Variants in NRG1 observed in about 807,000 individuals in gnomAD.
NRG1 encodes the protein pro-neuregulin-1, membrane-bound isoform.
NRG1 carries 18 observed loss-of-function variants against 63.8 expected under a neutral mutation model. That is an observed-to-expected ratio of 0.28 (90% CI 0.19 to 0.42). The LOEUF (loss-of-function observed/expected upper bound fraction) is 0.42, where lower values mean the gene tolerates loss of function less well. Among genes scored for constraint, NRG1 ranks in the 10% least tolerant of loss-of-function variants. NRG1 has a pLI of 1.00. For missense variants in NRG1, 762 were observed against 814.7 expected (o/e 0.94, Z 0.79); for synonymous variants, 302 against 301.3 (o/e 1.00, Z -0.02).
chr8:32,043,820 A>G (rs1208562825), intron 1 of NRG1, among the ~76,000 whole-genome samples: 2 of 151,920 alleles, frequency 1.3e-5, no homozygotes, highest in Admixed American at 6.6e-5. Context: ...AAAAAACCTG[A>G]TATACTTCGG....
chr8:32,204,755 T>A (rs1843852291), intron 1 of NRG1, among the ~76,000 whole-genome samples: 1 of 152,246 alleles, frequency 6.6e-6, no homozygotes, highest in Non-Finnish European at 1.5e-5. Flanking sequence ...TTGATCATCT[T>A]GATGATAGTT....
At chr8:31,979,590 C>T (rs1369216223) in intron 1 of NRG1, among the ~76,000 whole-genome samples, 1 of 151,948 alleles carries the variant, frequency 6.6e-6, no homozygotes, top group African/African-American at 2.4e-5. Flanking sequence ...TCTTTGATAT[C>T]ATTTACTGTG....
rs532541763 is a variant in NRG1, at chr8:32,285,489, G to A, written c.38-310339G>A. ...ATCCAAGGGACTTGACCAAGTTTTT[G>A]CAGCTATTGCTGGTAGACCAAGTAC... On this transcript the variant is annotated intron_variant, in intron 1 of 10. Transcript: ENST00000519301. 2.0e-5 allele frequency among the ~76,000 whole-genome samples: 3 copies of A among 152,336 alleles called. No homozygotes were observed. The East Asian group carries it at 5.8e-4, about 29-fold the overall frequency.
intron 1 of NRG1, among the ~76,000 whole-genome samples, chr8:31,647,637 G>C (rs190687288): frequency 7.9e-5 from 12 of 152,176 alleles, no homozygotes; most frequent in Non-Finnish European, 1.8e-4. Flanking sequence ...CCAGGATGGA[G>C]AGGTTCTGCT....
intron 1 of NRG1, among the ~76,000 whole-genome samples, chr8:31,988,930 G>A (rs966409072): frequency 1.3e-5 from 2 of 151,752 alleles, no homozygotes; most frequent in African/African-American, 4.8e-5. Flanking sequence ...TTTTGTTGAC[G>A]ATGACTTTCT....
At chr8:31,910,329 G>A (rs978861721) in intron 1 of NRG1, among the ~76,000 whole-genome samples, 5 of 152,248 alleles carry the variant, frequency 3.3e-5, no homozygotes, top group Admixed American at 6.5e-5. Flanking sequence ...AGACAGAGGC[G>A]GGATCTAGAA....
intron 1 of NRG1, among the ~76,000 whole-genome samples, chr8:31,731,417 T>TACACACACACACACACAC (rs139927733): frequency 8.0e-4 from 119 of 148,408 alleles, no homozygotes; most frequent in African/African-American, 2.8e-3. Context: ...AATTATGTCA[T>TACACACACACACACACAC]ACACACACAC....
chr8:32,041,778 G>A (rs1337496974), intron 1 of NRG1, among the ~76,000 whole-genome samples: 1 of 152,132 alleles, frequency 6.6e-6, no homozygotes, highest in Non-Finnish European at 1.5e-5. Context: ...ATAAAGAATT[G>A]GAAAGAGGAT....
chr8:32,537,301 C>T (rs1832105944), intron 1 of NRG1, among the ~76,000 whole-genome samples: 1 of 151,572 alleles, frequency 6.6e-6, no homozygotes, highest in Admixed American at 6.6e-5. Context: ...TTCTGCTGCC[C>T]CCCAACTGAG....
chr8:31,843,193 G>A (rs542094445), intron 1 of NRG1, among the ~76,000 whole-genome samples: 9 of 152,054 alleles, frequency 5.9e-5, no homozygotes, highest in East Asian at 1.9e-4. Context: ...TTTCATATAC[G>A]AGAACAATGT....
intron 1 of NRG1, among the ~76,000 whole-genome samples, chr8:32,136,251 G>A (rs933184007): frequency 2.0e-5 from 3 of 152,154 alleles, no homozygotes; most frequent in Non-Finnish European, 2.9e-5. Context: ...GATTCCTTAA[G>A]CGCATGGTTC....
intron 1 of NRG1, among the ~76,000 whole-genome samples, chr8:32,229,183 C>T (rs16879014): frequency 0.046 from 6,980 of 152,224 alleles, 283 homozygotes; most frequent in African/African-American, 0.11. Context: ...GAGAATTGGA[C>T]GGCTACTAGC....
At chr8:31,731,951 A>C (rs1331069890) in intron 1 of NRG1, among the ~76,000 whole-genome samples, 2 of 152,218 alleles carry the variant, frequency 1.3e-5, no homozygotes, top group African/African-American at 4.8e-5. Flanking sequence ...GTGAAGAGTC[A>C]GTAAGATGTA....
At chr8:32,724,715 G>A (rs1373305223) in intron 5 of NRG1, among the ~76,000 whole-genome samples, 2 of 152,060 alleles carry the variant, frequency 1.3e-5, no homozygotes, top group Non-Finnish European at 2.9e-5. Context: ...GTAACACTTC[G>A]CATCACCTGG....
exon 1 of NRG1, chr8:32,548,481 C>T: frequency 8.4e-7 from 1 of 1,194,956 alleles, no homozygotes; most frequent in Middle Eastern, 3.3e-4. Flanking sequence ...CGACGACTTC[C>T]CGGGGCGACA....
At chr8:32,709,656 A>G (rs1196707008) in intron 5 of NRG1, among the ~76,000 whole-genome samples, 1 of 152,034 alleles carries the variant, frequency 6.6e-6, no homozygotes. Flanking sequence ...CCTAGGCTCA[A>G]GCAATCCTCC....
At chr8:32,584,223 G>C (rs1046251910) in intron 1 of NRG1, among the ~76,000 whole-genome samples, 1 of 152,078 alleles carries the variant, frequency 6.6e-6, no homozygotes, top group African/African-American at 2.4e-5. Context: ...GTAGCACCAG[G>C]TTTCTTACTG....
At chr8:32,262,062 A>G (rs935155673) in intron 1 of NRG1, among the ~76,000 whole-genome samples, 6 of 152,156 alleles carry the variant, frequency 3.9e-5, no homozygotes, top group Non-Finnish European at 8.8e-5. Context: ...TTCTCTATCT[A>G]TAATAAATGA....
At chr8:31,821,683 T>C (rs991825155) in intron 1 of NRG1, among the ~76,000 whole-genome samples, 3 of 152,142 alleles carry the variant, frequency 2.0e-5, no homozygotes, top group Non-Finnish European at 4.4e-5. Flanking sequence ...CTCATCAGCT[T>C]TTTCAGGGAG....
Sources: gnomAD v4.1 joint callset for allele counts (sites outside exome capture counted in the v4.1 genomes callset) on GRCh38, gnomAD v4.1.1 for gene constraint, MANE v1.5 for transcripts, NCBI Gene and HGNC (gene_info 2026-07-23, HGNC 2026-07-21) for gene names.